The following PHACTR2 variants were observed in gnomAD, a reference collection of about 807,000 sequenced individuals.
PHACTR2 encodes chromosome 6 open reading frame 56.
In PHACTR2, 30 loss-of-function variants were observed where a neutral mutation model predicts 76.0. That is an observed-to-expected ratio of 0.39 (90% CI 0.30 to 0.54). The LOEUF is 0.54. PHACTR2 is among the 20% of genes least tolerant of loss of function. The probability of loss-of-function intolerance (pLI) is 0.61; values close to 1 mark genes in which losing one functional copy is unlikely to be tolerated. For missense variants in PHACTR2, 696 were observed against 781.1 expected (o/e 0.89, Z 1.30); for synonymous variants, 292 against 292.5 (o/e 1.00, Z 0.02).
rs1444373616 is a variant in PHACTR2, at chr6:143,806,167, A to G, written c.1846-890A>G. ...ACGAACCATCTGTAATCCTGCCACTATTTGTTAACAGATAACTAATGTTAA... is the reference window on the plus strand; with the variant it reads ...ACGAACCATCTGTAATCCTGCCACTGTTTGTTAACAGATAACTAATGTTAA... On this transcript the variant is annotated intron_variant, in intron 11 of 12. Coordinates refer to ENST00000440869, the MANE Select transcript of PHACTR2 (RefSeq NM_001100164.2). This position sits in a 1 kb window ranked among gnomAD's most constrained non-coding sequence, Gnocchi z 5.8. Among the ~76,000 whole-genome samples the G allele has an allele frequency of 6.6e-6, 1 of 152,220 alleles. No individual in the cohort carries two copies.
Position 143,552,334 on chromosome 6 carries a change from G to A in PHACTR2, c.217+15127G>A, listed in dbSNP as rs951307810. ...CTGAAGGAAGTCACTGGAATTCACA[G>A]CCAAAGCATTTCTGATGAAGTTCTA... is the stretch of plus-strand genomic sequence containing the variant. On this transcript the variant is annotated intron_variant, in intron 1 of 11. Transcript: ENST00000367584. Among the ~76,000 whole-genome samples the A allele has an allele frequency of 5.5e-4, 84 of 152,182 alleles. 3 individuals are homozygous for A. Among genetic ancestry groups the A allele is most frequent in the Admixed American group, 1.3e-4 (2 of 15,280 alleles).
Position 143,785,489 on chromosome 6 carries a change from G to A in PHACTR2, c.1707+2209G>A, listed in dbSNP as rs145017872. Reference sequence around the variant, plus strand: ...TCTGCAGCTTTTCTAGACACATGGTGCATGCTGTTGGTGGATCTACCATTC... The same window carrying A: ...TCTGCAGCTTTTCTAGACACATGGTACATGCTGTTGGTGGATCTACCATTC... On this transcript the variant is annotated intron_variant, in intron 10 of 12. Transcript: ENST00000440869. Among the ~76,000 whole-genome samples the A allele has an allele frequency of 3.3e-3, 498 of 152,314 alleles. 4 individuals carry two copies. The highest frequency in any genetic ancestry group is 0.011 in the African/African-American group (476 of 41,562).
rs530270240 is a variant in PHACTR2, at chr6:143,543,650, A to G, written c.217+6443A>G. Among the ~76,000 whole-genome samples the G allele has an allele frequency of 2.0e-5, 3 of 152,308 alleles. No individual in the cohort carries two copies. The highest frequency in any genetic ancestry group is 1.3e-4 in the Admixed American group (2 of 15,306). On this transcript the variant is annotated intron_variant, in intron 1 of 11. Coordinates refer to the PHACTR2 transcript ENST00000367584. The surrounding 1 kb of genome is among the most constrained non-coding windows in gnomAD (Gnocchi z 4.7). ...AGTGTTTGGGGATGGGAAACAGTACATGTAAAAGGCCTGAAACAAACTGGC... is the reference window on the plus strand; with the variant it reads ...AGTGTTTGGGGATGGGAAACAGTACGTGTAAAAGGCCTGAAACAAACTGGC...
intron 2 of PHACTR2, among the ~76,000 whole-genome samples, chr6:143,713,706 T>A (rs917574059): frequency 3.3e-5 from 5 of 152,170 alleles, no homozygotes; most frequent in African/African-American, 1.2e-4. Flanking sequence ...ATTCTGTTGT[T>A]GGTCTCCAGA....
intron 2 of PHACTR2, among the ~76,000 whole-genome samples, chr6:143,747,505 T>A (rs1419255255): frequency 6.6e-6 from 1 of 152,202 alleles, no homozygotes; most frequent in East Asian, 1.9e-4. Flanking sequence ...TGTTATCACC[T>A]GCTCCCTTTG....
At chr6:143,560,041 G>A (rs1775243669) in intron 1 of PHACTR2, among the ~76,000 whole-genome samples, 1 of 152,132 alleles carries the variant, frequency 6.6e-6, no homozygotes, top group Admixed American at 6.5e-5. Context: ...CAAAAATTGA[G>A]AGTAGGGGTT....
At position 143,550,479 on chromosome 6, in the gene PHACTR2, A is replaced by G. The variant is rs932846705; in HGVS notation, c.217+13272A>G. ...TGGCAAACCTTACTATATATTATCT[A>G]TATAGTAAATAATGGGCGGAGGGTG... On this transcript the variant is annotated intron_variant, in intron 1 of 11. Transcript: ENST00000367584. The surrounding 1 kb of genome is among the most constrained non-coding windows in gnomAD (Gnocchi z 4.8). Among the ~76,000 whole-genome samples the G allele has an allele frequency of 6.6e-6, 1 of 152,016 alleles. No individual in the cohort carries two copies. Among genetic ancestry groups the G allele is most frequent in the Non-Finnish European group, 1.5e-5 (1 of 67,970 alleles).
rs938078912 is a variant in PHACTR2 at position 143,698,515 on chromosome 6, T to C, written c.47-13501T>C. On this transcript the variant is annotated intron_variant, in intron 1 of 12. Coordinates refer to ENST00000440869, the MANE Select transcript of PHACTR2 (RefSeq NM_001100164.2). The surrounding 1 kb of genome is among the most constrained non-coding windows in gnomAD (Gnocchi z 4.3). ...TATTTCTACCTTTTAGGCAATGCTATGAAACTAGACTAAACCTCTGTAGCC... is the reference window on the plus strand; with the variant it reads ...TATTTCTACCTTTTAGGCAATGCTACGAAACTAGACTAAACCTCTGTAGCC... 1.3e-5 allele frequency among the ~76,000 whole-genome samples: 2 copies of C among 152,230 alleles called. No homozygotes were observed. Among genetic ancestry groups the C allele is most frequent in the African/African-American group, 4.8e-5 (2 of 41,460 alleles).
intron 6 of PHACTR2, among the ~76,000 whole-genome samples, chr6:143,766,982 G>A (rs906817852): frequency 2.2e-4 from 33 of 152,128 alleles, no homozygotes; most frequent in African/African-American, 7.2e-4. Context: ...CATGTAAAAG[G>A]TTCTCTTTCA....
Position 143,827,325 on chromosome 6 carries a change from C to T in PHACTR2, c.*3636C>T, listed in dbSNP as rs541263245. The T allele has an allele frequency of 4.6e-5, 7 of 151,424 alleles. No individual in the cohort carries two copies. In the South Asian group the frequency reaches 1.3e-3, roughly 27 times the overall value. The allele number at this position is 151,424 out of a possible 1,614,324, so 9.4% of individuals were successfully genotyped here. On this transcript the variant is annotated 3_prime_UTR_variant, in exon 13 of 13. Coordinates refer to ENST00000440869, the MANE Select transcript of PHACTR2 (RefSeq NM_001100164.2). ...TTTATGCTTCATAGAATCAGACAGA[C>T]ACAACTTTCAAAAATCTTACTGTAT...
Position 143,705,515 on chromosome 6 carries a change from C to T in PHACTR2, c.47-6501C>T, listed in dbSNP as rs181380094. On this transcript the variant is annotated intron_variant, in intron 1 of 12. Coordinates refer to ENST00000440869, the MANE Select transcript of PHACTR2 (RefSeq NM_001100164.2). ...TTCACCATGTTAGCCAAGATGGTCT[C>T]GATCTCCTGACCTCGCGTGATCTGC... 5.9e-5 allele frequency among the ~76,000 whole-genome samples: 9 copies of T among 152,182 alleles called. No individual in the cohort carries two copies. In the South Asian group the frequency reaches 6.2e-4, roughly 11 times the overall value.
rs369894770 is a variant in PHACTR2, at chr6:143,548,970, T to C, written c.217+11763T>C. Among the ~76,000 whole-genome samples, 60 of 151,964 alleles carry C rather than the reference T, an allele frequency of 3.9e-4. No homozygotes were observed. Among genetic ancestry groups the C allele is most frequent in the African/African-American group, 1.3e-3 (52 of 41,502 alleles). On this transcript the variant is annotated intron_variant, in intron 1 of 11. Transcript: ENST00000367584. This position sits in a 1 kb window ranked among gnomAD's most constrained non-coding sequence, Gnocchi z 4.5. Reference sequence around the variant, plus strand: ...AGGAAGGATGATGGAAATCATTGGCTGGGGTGAGGTGGGGGCACCTGTGGC... The same window carrying C: ...AGGAAGGATGATGGAAATCATTGGCCGGGGTGAGGTGGGGGCACCTGTGGC...
intron 2 of PHACTR2, among the ~76,000 whole-genome samples, chr6:143,745,490 C>T (rs1779039175): frequency 6.6e-6 from 1 of 152,216 alleles, no homozygotes; most frequent in Non-Finnish European, 1.5e-5. Flanking sequence ...GAGACAGCCC[C>T]TGCTTTGTGC....
Position 143,760,094 on chromosome 6 carries a change from A to C in PHACTR2, c.455-307A>C, listed in dbSNP as rs73587116. On this transcript the variant is annotated intron_variant, in intron 4 of 12. Transcript: ENST00000440869. The surrounding 1 kb of genome is among the most constrained non-coding windows in gnomAD (Gnocchi z 6.4). The stretch of plus-strand genomic sequence containing the variant: ...GCCCACATCATCATCCAGCAACCCC[A>C]GATCCAAGGCTGGAACTGAGGCCCC... Among the ~76,000 whole-genome samples the C allele has an allele frequency of 0.045, 6,832 of 152,308 alleles. 520 individuals carry two copies. Among genetic ancestry groups the C allele is most frequent in the African/African-American group, 0.15 (6,395 of 41,542 alleles).
chr6:143,762,006 A>C (rs577297181), intron 5 of PHACTR2, among the ~76,000 whole-genome samples: 1 of 152,248 alleles, frequency 6.6e-6, no homozygotes, highest in South Asian at 2.1e-4. Flanking sequence ...GAAATTTCCC[A>C]GAATGATGTG....
rs1776675293 is a variant in PHACTR2 at position 143,647,240 on chromosome 6, G to GCA, written c.13+38918_13+38919insCA. 6.6e-6 allele frequency among the ~76,000 whole-genome samples: 1 copy of GCA among 152,126 alleles called. No homozygotes were observed. The highest frequency in any genetic ancestry group is 2.1e-4 in the South Asian group (1 of 4,824). On this transcript the variant is annotated intron_variant, in intron 1 of 11. Transcript: ENST00000305766. This position sits in a 1 kb window ranked among gnomAD's most constrained non-coding sequence, Gnocchi z 4.2. Reference sequence around the variant, plus strand: ...CCTTTCTGTGATGTAGATAATATTAGTCCTATTTTGCAGATGAGGAAACCA... The same window carrying GCA: ...CCTTTCTGTGATGTAGATAATATTAGCATCCTATTTTGCAGATGAGGAAACCA...
chr6:143,557,504 G>A lies in PHACTR2; in HGVS notation c.217+20297G>A, dbSNP rs1775195069. The A allele has an allele frequency of 6.6e-6, 1 of 152,244 alleles. No homozygotes were observed. Among genetic ancestry groups the A allele is most frequent in the Admixed American group, 6.5e-5 (1 of 15,288 alleles). 9.4% of individuals were successfully genotyped at this position (152,244 alleles called of 1,614,324 possible). A position where few individuals can be genotyped will look rare whatever the true frequency, so the allele number is the denominator to read the frequency against. On this transcript the variant is annotated intron_variant, in intron 1 of 11. Coordinates refer to the PHACTR2 transcript ENST00000367584. This position sits in a 1 kb window ranked among gnomAD's most constrained non-coding sequence, Gnocchi z 5.5. The stretch of plus-strand genomic sequence containing the variant: ...AGGGAAGAGAAGGTCTGGAAGTGTT[G>A]GAGGTGGCATGGGCAGGGAGGTATA...
chr6:143,748,684 G>A (rs2076702), intron 2 of PHACTR2, among the ~76,000 whole-genome samples: 13,629 of 152,184 alleles, frequency 0.09, 1,919 homozygotes, highest in African/African-American at 0.3. Flanking sequence ...TAGCTTCAGC[G>A]TGAGAAGCAG....
intron 1 of PHACTR2, among the ~76,000 whole-genome samples, chr6:143,651,082 G>A (rs1776756191): frequency 6.6e-6 from 1 of 151,784 alleles, no homozygotes; most frequent in Non-Finnish European, 1.5e-5. Flanking sequence ...ACAAACATAT[G>A]AAAAAAAAGC....
Sources: gnomAD v4.1 joint callset for allele counts (sites outside exome capture counted in the v4.1 genomes callset) on GRCh38, gnomAD v4.1.1 for gene constraint, Gnocchi (gnomAD v3.1) non-coding constraint, MANE v1.5 for transcripts, NCBI Gene and HGNC (gene_info 2026-07-23, HGNC 2026-07-21) for gene names.